Variants in CTNNA3 observed in about 807,000 individuals in gnomAD.
CTNNA3 encodes the protein catenin alpha-3.
A neutral mutation model predicts 95.7 loss-of-function variants in CTNNA3; 76 were observed. The ratio of observed to expected loss-of-function variants is 0.79; its 90% CI spans 0.66 to 0.96. The LOEUF is 0.96. Ranked by LOEUF, CTNNA3 falls within the 40% of genes least tolerant of loss-of-function variation. The pLI is 0.00. For missense variants in CTNNA3, 1,191 were observed against 1,089.8 expected, an observed-to-expected ratio of 1.09 and a Z score of -1.31; for synonymous variants, 431 against 374.4, an observed-to-expected ratio of 1.15 and a Z score of -1.74.
chr10:66,762,245 T>G (rs1839628375), intron 9 of CTNNA3, among the ~76,000 whole-genome samples: 3 of 152,086 alleles, frequency 2.0e-5, no homozygotes, highest in African/African-American at 4.8e-5. Flanking sequence ...GGGGAGGATA[T>G]GAACACATTT....
At chr10:66,546,102 G>GGTCCT (rs1315146610) in intron 10 of CTNNA3, among the ~76,000 whole-genome samples, 2 of 151,788 alleles carry the variant, frequency 1.3e-5, no homozygotes. Context: ...TTTTCATGCA[G>GGTCCT]TATAATTATC....
intron 7 of CTNNA3, among the ~76,000 whole-genome samples, chr10:67,027,596 A>G (rs551271437): frequency 1.3e-5 from 2 of 151,836 alleles, no homozygotes; most frequent in East Asian, 3.9e-4. Context: ...CACCATGCCC[A>G]GCTAACTTTT....
intron 10 of CTNNA3, among the ~76,000 whole-genome samples, chr10:66,594,948 C>T (rs1843662937): frequency 6.6e-6 from 1 of 152,084 alleles, no homozygotes; most frequent in African/African-American, 2.4e-5. Context: ...TTTATAACTG[C>T]ATCTGGCACA....
intron 17 of CTNNA3, among the ~76,000 whole-genome samples, chr10:65,949,140 GAACAAAGAC>G (rs1210103189): frequency 2.0e-5 from 3 of 151,992 alleles, no homozygotes; most frequent in African/African-American, 7.3e-5. Context: ...CATTTCTAGA[GAACAAAGAC>G]CTTGCTTATT....
chr10:66,017,279 T>A (rs2079112130), intron 15 of CTNNA3, among the ~76,000 whole-genome samples: 1 of 152,128 alleles, frequency 6.6e-6, no homozygotes. Flanking sequence ...ATGAAGTCAG[T>A]CATATGGTGA....
At chr10:67,666,921 G>T (rs1406229633) in intron 1 of CTNNA3, among the ~76,000 whole-genome samples, 4 of 151,996 alleles carry the variant, frequency 2.6e-5, no homozygotes, top group African/African-American at 9.7e-5. Flanking sequence ...AGCAGAATTG[G>T]GTTCAATCAT....
intron 7 of CTNNA3, among the ~76,000 whole-genome samples, chr10:67,094,573 C>T (rs1413476720): frequency 6.6e-6 from 1 of 151,634 alleles, no homozygotes; most frequent in East Asian, 1.9e-4. Flanking sequence ...AGCATGGTGC[C>T]TCATATATCA....
At chr10:66,543,641 T>C (rs1313300344) in intron 10 of CTNNA3, among the ~76,000 whole-genome samples, 3 of 151,760 alleles carry the variant, frequency 2.0e-5, no homozygotes, top group Non-Finnish European at 2.9e-5. Context: ...TATTTTTTAA[T>C]GAATTACATT....
chr10:67,581,552 A>C (rs1162380661), intron 3 of CTNNA3, among the ~76,000 whole-genome samples: 1 of 152,192 alleles, frequency 6.6e-6, no homozygotes, highest in African/African-American at 2.4e-5. Flanking sequence ...AGGCTTTGGT[A>C]TCAGGATGAT....
intron 7 of CTNNA3, among the ~76,000 whole-genome samples, chr10:66,950,714 C>A (rs1848494847): frequency 6.6e-6 from 1 of 152,082 alleles, no homozygotes; most frequent in Non-Finnish European, 1.5e-5. Flanking sequence ...TATAAGCAAC[C>A]TTTGTAGCTA....
intron 1 of CTNNA3, among the ~76,000 whole-genome samples, chr10:67,705,579 G>A (rs1408353245): frequency 3.5e-5 from 5 of 141,738 alleles, no homozygotes; most frequent in South Asian, 2.3e-4. Flanking sequence ...ATTGAACAAT[G>A]AGAACACATG....
At chr10:67,697,055 C>A (rs1840978646), upstream of CTNNA3, among the ~76,000 whole-genome samples, 1 of 152,142 alleles carries the variant, frequency 6.6e-6, no homozygotes, top group Non-Finnish European at 1.5e-5. Flanking sequence ...ACTCTTAGCA[C>A]AAATTTCAGG....
intron 9 of CTNNA3, among the ~76,000 whole-genome samples, chr10:66,684,742 C>A (rs148284294): frequency 6.6e-6 from 1 of 152,114 alleles, no homozygotes; most frequent in East Asian, 1.9e-4. Context: ...ATAAACATTT[C>A]TTGGAAGTCC....
intron 7 of CTNNA3, among the ~76,000 whole-genome samples, chr10:67,064,882 C>T (rs1188514957): frequency 6.6e-6 from 1 of 152,056 alleles, no homozygotes; most frequent in East Asian, 1.9e-4. Flanking sequence ...TTTGCAGGTA[C>T]CTTTAAGCTA....
intron 5 of CTNNA3, among the ~76,000 whole-genome samples, chr10:67,520,769 T>C (rs913727942): frequency 6.6e-6 from 1 of 152,162 alleles, no homozygotes; most frequent in African/African-American, 2.4e-5. Context: ...GATAGAGCAA[T>C]ACCTAGAACA....
At chr10:65,932,867 C>T (rs1167450305) in intron 17 of CTNNA3, among the ~76,000 whole-genome samples, 5 of 152,090 alleles carry the variant, frequency 3.3e-5, no homozygotes, top group Non-Finnish European at 5.9e-5. Flanking sequence ...CTTCTCTTGT[C>T]CTCCAGAAAC....
At chr10:67,610,660 A>G (rs1843427115) in intron 2 of CTNNA3, among the ~76,000 whole-genome samples, 1 of 152,252 alleles carries the variant, frequency 6.6e-6, no homozygotes, top group African/African-American at 2.4e-5. Flanking sequence ...TTGAAGGAAT[A>G]CCAGCAACCA....
At chr10:66,727,282 G>A (rs988899148) in intron 9 of CTNNA3, among the ~76,000 whole-genome samples, 1 of 151,516 alleles carries the variant, frequency 6.6e-6, no homozygotes, top group Non-Finnish European at 1.5e-5. Flanking sequence ...AGTTTGCCTA[G>A]GAAAAAATAT....
In CTNNA3 at chr10:67,086,894, T is replaced by C. The variant is rs184100801; in HGVS notation, c.1047+93423A>G. On this transcript the variant is annotated intron_variant, in intron 7 of 17. Transcript: ENST00000433211. ...AACCTAGACCAAAAACATTAACTGA[T>C]GTAGTGTTATTATAAGACCCTCCAG... Among the ~76,000 whole-genome samples the C allele has an allele frequency of 1.1e-3, 161 of 152,142 alleles. 1 individual carries two copies. Among genetic ancestry groups the C allele is most frequent in the African/African-American group, 3.7e-3 (155 of 41,532 alleles).
Sources: allele counts gnomAD v4.1 joint callset (sites outside exome capture counted in the v4.1 genomes callset), GRCh38; gene constraint gnomAD v4.1.1; transcripts MANE v1.5; gene names NCBI Gene and HGNC (gene_info 2026-07-23, HGNC 2026-07-21).